The following DAB1 variants were observed in gnomAD, a reference collection of about 807,000 sequenced individuals.
DAB1 encodes the protein DAB adaptor protein 1.
Under a neutral mutation model 64.6 loss-of-function variants are expected in DAB1, and 15 were observed. The ratio of observed to expected loss-of-function variants is 0.23; its 90% confidence interval spans 0.16 to 0.36. The LOEUF (loss-of-function observed/expected upper bound fraction) is 0.36. Among genes scored for constraint, DAB1 ranks in the 10% least tolerant of loss-of-function variants. DAB1 has a pLI of 1.00. For synonymous variants in DAB1, 235 were observed against 251.9 expected, an observed-to-expected ratio of 0.93 and a Z score of 0.64; for missense variants, 596 against 706.7, an observed-to-expected ratio of 0.84 and a Z score of 1.78.
chr1:58,425,125 G>A (rs1359900647), intron 3 of DAB1, among the ~76,000 whole-genome samples: 1 of 152,168 alleles, frequency 6.6e-6, no homozygotes, highest in Non-Finnish European at 1.5e-5. Flanking sequence ...CTGAGGTTCT[G>A]CCTAGATTAA....
intron 3 of DAB1, among the ~76,000 whole-genome samples, chr1:58,365,920 C>T (rs567621091): frequency 3.9e-5 from 6 of 152,214 alleles, no homozygotes; most frequent in African/African-American, 1.4e-4. Flanking sequence ...AAGGAGGAGA[C>T]AAGTTGGGTT....
At chr1:57,767,516 C>CAGTGGT (rs1259052361) in intron 6 of DAB1, among the ~76,000 whole-genome samples, 1 of 152,152 alleles carries the variant, frequency 6.6e-6, no homozygotes, top group Non-Finnish European at 1.5e-5. Flanking sequence ...CTTATCTCTA[C>CAGTGGT]AGTGGTTATC....
intron 5 of DAB1, 118 bp downstream of exon 5, chr1:57,072,165 C>T (rs1217729855): frequency 5.3e-6 from 6 of 1,136,292 alleles, no homozygotes; most frequent in Non-Finnish European, 7.6e-6. Context: ...GCATCAACTT[C>T]AGTGGAAATA....
At chr1:57,092,249 G>T (rs892424946) in intron 4 of DAB1, among the ~76,000 whole-genome samples, 11 of 152,132 alleles carry the variant, frequency 7.2e-5, no homozygotes, top group African/African-American at 2.2e-4. Context: ...GACCCTAGAG[G>T]TACAGTGCTG....
chr1:57,069,227 A>G, intron 8 of DAB1, 133 bp downstream of exon 8: 2 of 709,012 alleles, frequency 2.8e-6, no homozygotes, highest in Non-Finnish European at 4.9e-6. Flanking sequence ...CTGGGGAACT[A>G]GAAGCCATTT....
intron 2 of DAB1, among the ~76,000 whole-genome samples, chr1:57,195,627 C>T (rs1338671635): frequency 1.3e-5 from 2 of 152,242 alleles, no homozygotes; most frequent in Non-Finnish European, 2.9e-5. Context: ...TCCTAAATTG[C>T]TTCCAGACAC....
At chr1:57,907,922 T>TATAC (rs1644579336) in intron 5 of DAB1, among the ~76,000 whole-genome samples, 3 of 145,452 alleles carry the variant, frequency 2.1e-5, no homozygotes, top group Non-Finnish European at 4.5e-5. Context: ...AATATATATA[T>TATAC]ACACACACAC....
At chr1:57,232,284 C>T (rs201950167) in intron 2 of DAB1, among the ~76,000 whole-genome samples, 545 of 81,402 alleles carry the variant, frequency 6.7e-3, no homozygotes, top group Middle Eastern at 0.015. Context: ...GCAGTGGCCA[C>T]TTTTTTTTTT....
chr1:57,386,346 G>C (rs1234305634), intron 1 of DAB1, among the ~76,000 whole-genome samples: 2 of 129,518 alleles, frequency 1.5e-5, no homozygotes, highest in East Asian at 4.7e-4. Flanking sequence ...TTTTATCTCT[G>C]CCTCACTTAG....
intron 5 of DAB1, among the ~76,000 whole-genome samples, chr1:58,065,536 G>C (rs1204742959): frequency 6.6e-6 from 1 of 152,144 alleles, no homozygotes; most frequent in African/African-American, 2.4e-5. Context: ...GTTCATGACA[G>C]ACTCTGATTT....
intron 4 of DAB1, among the ~76,000 whole-genome samples, chr1:58,219,563 C>A (rs1368791676): frequency 1.3e-5 from 2 of 152,204 alleles, no homozygotes; most frequent in Non-Finnish European, 2.9e-5. Context: ...TGGGCACTTT[C>A]CAGCCTCAGG....
chr1:57,695,348 GAAAGAAAA>G lies in DAB1; in HGVS notation n.552-45691_552-45684del, dbSNP rs1557427703. The stretch of plus-strand genomic sequence containing the variant: ...AGAAAGAAAGAAAGAAAGAAAGAAA[GAAAGAAAA>G]GAAAGAAGAAAGAAAGAAAGAAAGA... On this transcript the variant is annotated intron_variant and non_coding_transcript_variant, in intron 6 of 20. Coordinates refer to the DAB1 transcript ENST00000485760. 2.4e-4 allele frequency among the ~76,000 whole-genome samples: 25 copies of G among 106,360 alleles called. 1 individual carries two copies. Among genetic ancestry groups the G allele is most frequent in the African/African-American group, 8.4e-4 (24 of 28,414 alleles). 69.8% of individuals were successfully genotyped at this position (106,360 alleles called of 152,430 possible).
intron 4 of DAB1, among the ~76,000 whole-genome samples, chr1:58,175,817 C>T (rs1557682838): frequency 1.3e-5 from 2 of 152,142 alleles, no homozygotes; most frequent in African/African-American, 2.4e-5. Flanking sequence ...GTTCCAAAGT[C>T]TCGGGTTATT....
chr1:57,041,225 C>T (rs956437030), intron 9 of DAB1, among the ~76,000 whole-genome samples: 2 of 152,210 alleles, frequency 1.3e-5, no homozygotes, highest in African/African-American at 4.8e-5. Flanking sequence ...TTCATTTCCT[C>T]ATTCACTTCT....
chr1:58,046,289 T>G (rs1376668386), intron 5 of DAB1, among the ~76,000 whole-genome samples: 1 of 152,220 alleles, frequency 6.6e-6, no homozygotes, highest in Non-Finnish European at 1.5e-5. Context: ...AAATATCCAA[T>G]TGGCTATAAC....
chr1:57,545,794 T>C (rs1644849919), intron 7 of DAB1, among the ~76,000 whole-genome samples: 1 of 152,168 alleles, frequency 6.6e-6, no homozygotes, highest in African/African-American at 2.4e-5. Flanking sequence ...AGACATCCAC[T>C]AGGACTGTAC....
intron 3 of DAB1, among the ~76,000 whole-genome samples, chr1:58,491,534 G>A (rs1645690195): frequency 6.6e-6 from 1 of 152,094 alleles, no homozygotes; most frequent in Admixed American, 6.5e-5. Context: ...CACGTGCAGA[G>A]ACACACATAG....
At position 57,354,384 on chromosome 1, in the gene DAB1, G is replaced by A. The variant is rs145267221; in HGVS notation, c.-136-63218C>T. On this transcript the variant is annotated intron_variant, in intron 1 of 14. Transcript: ENST00000371236. ...CTTCAAAAATCTAAAGACTTTATGT[G>A]GGTTGACTTTTCTTTTTGTGATTCA... 4.6e-5 allele frequency among the ~76,000 whole-genome samples: 7 copies of A among 152,080 alleles called. No individual in the cohort carries two copies. The East Asian group carries it at 1.2e-3, about 25-fold the overall frequency.
chr1:57,636,371 C>T (rs190824268), intron 7 of DAB1, among the ~76,000 whole-genome samples: 166 of 152,184 alleles, frequency 1.1e-3, no homozygotes, highest in African/African-American at 3.6e-3. Flanking sequence ...GTTATGGCAG[C>T]CCAAGCAGAC....
Sources: gnomAD v4.1 joint callset for allele counts (sites outside exome capture counted in the v4.1 genomes callset) on GRCh38, gnomAD v4.1.1 for gene constraint, MANE v1.5 for transcripts, NCBI Gene and HGNC (gene_info 2026-07-23, HGNC 2026-07-21) for gene names.